The following PIGL variants were observed in gnomAD, a reference collection of about 807,000 sequenced individuals.
PIGL encodes the protein N-acetylglucosaminyl-phosphatidylinositol de-N-acetylase.
In PIGL, 22 loss-of-function variants were observed where a neutral mutation model predicts 31.1. The observed-to-expected ratio is 0.71, with a 90% CI of 0.51 to 1.01. The LOEUF is 1.01. PIGL is among the 50% of genes least tolerant of loss of function. PIGL has a pLI of 0.00. For missense variants in PIGL, 302 were observed against 315.9 expected, an observed-to-expected ratio of 0.96 and a Z score of 0.33; for synonymous variants, 131 against 117.4, an observed-to-expected ratio of 1.12 and a Z score of -0.75.
intron 1 of PIGL, 170 bp downstream of exon 1, chr17:16,217,631 C>T (rs1354314293): frequency 7.4e-6 from 4 of 542,200 alleles, no homozygotes; most frequent in Non-Finnish European, 1.3e-5. Flanking sequence ...GCCGGCTTAC[C>T]TGGTGGGTTG....
rs58937503 is a variant in PIGL at position 16,317,221 on chromosome 17, C to T, written c.526+509C>T. The T allele has an allele frequency of 0.01, 10,486 of 1,005,128 alleles. 840 individuals are homozygous for T. In the African/African-American group the frequency reaches 0.17, roughly 16 times the overall value. 62.3% of individuals were successfully genotyped at this position (1,005,128 alleles called of 1,614,324 possible). A position where few individuals can be genotyped will look rare whatever the true frequency, so the allele number is the denominator to read the frequency against. The stretch of plus-strand genomic sequence containing the variant: ...AATACGAAGATTCAATGAATGAAAA[C>T]GTAAGTAGTTTGTGCCCTTTCTATG... On this transcript the variant is annotated intron_variant, in intron 5 of 6. Coordinates refer to ENST00000225609, the MANE Select transcript of PIGL (RefSeq NM_004278.4).
chr17:16,302,660 C>T (rs1030890800), intron 3 of PIGL, among the ~76,000 whole-genome samples: 5 of 152,022 alleles, frequency 3.3e-5, no homozygotes, highest in Non-Finnish European at 5.9e-5. Flanking sequence ...AATGCAGTGG[C>T]GCGATCTCAG....
intron 2 of PIGL, among the ~76,000 whole-genome samples, chr17:16,254,570 T>C (rs2092785928): frequency 6.6e-6 from 1 of 151,340 alleles, no homozygotes; most frequent in Non-Finnish European, 1.5e-5. Context: ...ACCTGGCATA[T>C]ACATGAATTT....
At chr17:16,241,078 C>A (rs1279540011) in intron 2 of PIGL, among the ~76,000 whole-genome samples, 5 of 130,352 alleles carry the variant, frequency 3.8e-5, no homozygotes, top group Non-Finnish European at 7.8e-5. Flanking sequence ...CACGCCATTG[C>A]ACTTCAGCCT....
At chr17:16,259,776 G>A (rs938026569) in intron 2 of PIGL, among the ~76,000 whole-genome samples, 2 of 152,118 alleles carry the variant, frequency 1.3e-5, no homozygotes, top group Non-Finnish European at 2.9e-5. Context: ...ACACTCCATG[G>A]AGCCAACGGA....
intron 2 of PIGL, among the ~76,000 whole-genome samples, chr17:16,266,611 T>TC (rs2092844359): frequency 6.6e-6 from 1 of 151,666 alleles, no homozygotes; most frequent in Non-Finnish European, 1.5e-5. Flanking sequence ...TCTTTTTTTT[T>TC]CTAGACGGGA....
At chr17:16,239,395 A>G (rs1219575782) in intron 2 of PIGL, among the ~76,000 whole-genome samples, 10 of 151,938 alleles carry the variant, frequency 6.6e-5, no homozygotes, top group Non-Finnish European at 1.5e-4. Flanking sequence ...AGGCAGGAGA[A>G]TCGCTTGAAC....
chr17:16,275,956 G>A (rs528522055), intron 2 of PIGL, among the ~76,000 whole-genome samples: 1 of 152,174 alleles, frequency 6.6e-6, no homozygotes, highest in African/African-American at 2.4e-5. Context: ...CCCAGGAGGT[G>A]GAGTTTGCAG....
At chr17:16,239,892 C>G (rs1346353822) in intron 2 of PIGL, among the ~76,000 whole-genome samples, 3 of 152,024 alleles carry the variant, frequency 2.0e-5, no homozygotes, top group African/African-American at 7.2e-5. Flanking sequence ...GTAGCTGGGA[C>G]TACAGGTGTG....
At chr17:16,241,898 T>A (rs563474588) in intron 2 of PIGL, among the ~76,000 whole-genome samples, 1 of 152,190 alleles carries the variant, frequency 6.6e-6, no homozygotes, top group African/African-American at 2.4e-5. Context: ...AGATGTACCA[T>A]AACATTTAAC....
chr17:16,307,148 T>C (rs910581805), intron 3 of PIGL, among the ~76,000 whole-genome samples: 7 of 152,232 alleles, frequency 4.6e-5, no homozygotes, highest in Non-Finnish European at 1.0e-4. Flanking sequence ...TTACCCTGAA[T>C]TCACCTAAAC....
intron 3 of PIGL, 90 bp from the exon 4 acceptor site, chr17:16,313,457 T>A: frequency 4.3e-6 from 4 of 926,754 alleles, no homozygotes; most frequent in Non-Finnish European, 7.2e-6. Flanking sequence ...TTCAGGGTTC[T>A]GTTCTCTCCT....
intron 6 of PIGL, among the ~76,000 whole-genome samples, chr17:16,318,445 AT>A (rs1401737582): frequency 6.6e-6 from 1 of 151,674 alleles, no homozygotes; most frequent in Non-Finnish European, 1.5e-5. Flanking sequence ...AATTTTTTGT[AT>A]TTTTAGTAGA....
chr17:16,247,775 T>C (rs2092754963), intron 2 of PIGL, among the ~76,000 whole-genome samples: 1 of 152,212 alleles, frequency 6.6e-6, no homozygotes, highest in South Asian at 2.1e-4. Flanking sequence ...TTTTTCTTTC[T>C]CCTGGCTGTT....
chr17:16,228,549 C>T (rs920531611), intron 1 of PIGL, among the ~76,000 whole-genome samples: 10 of 151,964 alleles, frequency 6.6e-5, no homozygotes, highest in African/African-American at 1.7e-4. Flanking sequence ...CCACCACGCC[C>T]GGCTAATTTT....
intron 2 of PIGL, among the ~76,000 whole-genome samples, chr17:16,273,778 A>G (rs2092882275): frequency 6.6e-6 from 1 of 152,194 alleles, no homozygotes; most frequent in South Asian, 2.1e-4. Flanking sequence ...TAAATGATTC[A>G]TCTGTTCTTC....
chr17:16,295,459 T>C lies in PIGL; in HGVS notation c.336-4429T>C, dbSNP rs1038332213. On this transcript the variant is annotated intron_variant, in intron 2 of 6. Transcript: ENST00000225609. ...TATGTAAAATACTAGTAAAATAAAA[T>C]GTAGAGATTCCATACATGTACTAAA... 2.0e-5 allele frequency among the ~76,000 whole-genome samples: 3 copies of C among 147,508 alleles called. No homozygotes were observed. The East Asian group carries it at 6.0e-4, about 29-fold the overall frequency.
chr17:16,322,060 G>T (rs1188253384), intron 6 of PIGL, among the ~76,000 whole-genome samples: 1 of 151,878 alleles, frequency 6.6e-6, no homozygotes, highest in Non-Finnish European at 1.5e-5. Context: ...TGGGATTACA[G>T]GTGTGAGCCA....
At chr17:16,220,421 A>T (rs1437392812) in intron 1 of PIGL, among the ~76,000 whole-genome samples, 1 of 149,760 alleles carries the variant, frequency 6.7e-6, no homozygotes, top group Non-Finnish European at 1.5e-5. Flanking sequence ...TTTCCTCTGA[A>T]TCCATTTTGT....
Sources: allele counts gnomAD v4.1 joint callset (sites outside exome capture counted in the v4.1 genomes callset), GRCh38; gene constraint gnomAD v4.1.1; transcripts MANE v1.5; gene names NCBI Gene and HGNC (gene_info 2026-07-23, HGNC 2026-07-21).